RBFOX1: variants seen among roughly 807,000 people sequenced by gnomAD.
RBFOX1 encodes RNA binding fox-1 homolog 1.
In RBFOX1, 8 loss-of-function variants were observed where a neutral mutation model predicts 57.7. The observed-to-expected ratio is 0.14, with a 90% CI of 0.08 to 0.25. The LOEUF is 0.25. RBFOX1 is among the 10% of genes least tolerant of loss of function. The probability of loss-of-function intolerance (pLI) is 1.00; values close to 1 mark genes in which losing one functional copy is unlikely to be tolerated. For missense variants in RBFOX1, 611 were observed against 548.5 expected, an observed-to-expected ratio of 1.11 and a Z score of -1.14; for synonymous variants, 326 against 222.4, an observed-to-expected ratio of 1.47 and a Z score of -4.15.
chr16:6,137,138 G>C (rs142144620), intron 1 of RBFOX1, among the ~76,000 whole-genome samples: 1 of 152,234 alleles, frequency 6.6e-6, no homozygotes, highest in East Asian at 1.9e-4. Flanking sequence ...TTCTAAATCT[G>C]TTAAAGCTTC....
intron 2 of RBFOX1, among the ~76,000 whole-genome samples, chr16:6,542,830 G>T (rs1288939929): frequency 6.6e-6 from 1 of 151,990 alleles, no homozygotes; most frequent in African/African-American, 2.4e-5. Context: ...GCCTTCCTGG[G>T]TGCCACAGTT....
intron 4 of RBFOX1, among the ~76,000 whole-genome samples, chr16:7,393,287 C>T (rs977948012): frequency 1.3e-5 from 2 of 152,128 alleles, no homozygotes; most frequent in Admixed American, 1.3e-4. Context: ...GACCTTAATC[C>T]TTAAGTTTGT....
intron 13 of RBFOX1, among the ~76,000 whole-genome samples, chr16:7,672,942 A>T (rs1375948327): frequency 1.3e-5 from 2 of 150,402 alleles, no homozygotes; most frequent in Non-Finnish European, 3.0e-5. Context: ...TGTTCTTATA[A>T]GTATTATATA....
At chr16:5,269,397 G>C (rs1347039974) in intron 1 of RBFOX1, among the ~76,000 whole-genome samples, 3 of 152,218 alleles carry the variant, frequency 2.0e-5, no homozygotes, top group African/African-American at 7.2e-5. Flanking sequence ...GAAAGCACAG[G>C]TCCACACAAA....
intron 2 of RBFOX1, among the ~76,000 whole-genome samples, chr16:5,527,588 C>T (rs4786038): frequency 0.32 from 48,972 of 152,108 alleles, 9,042 homozygotes; most frequent in East Asian, 0.85. Flanking sequence ...GCTGGTGATG[C>T]GTCTAATTAA....
intron 1 of RBFOX1, among the ~76,000 whole-genome samples, chr16:5,399,408 T>G (rs531314938): frequency 8.0e-4 from 122 of 152,308 alleles, no homozygotes; most frequent in African/African-American, 2.8e-3. Context: ...ATTTTTCTCG[T>G]AGAAAATTTG....
chr16:6,195,281 A>G (rs1455407141), intron 1 of RBFOX1, among the ~76,000 whole-genome samples: 1 of 152,230 alleles, frequency 6.6e-6, no homozygotes, highest in Non-Finnish European at 1.5e-5. Flanking sequence ...CAGTCTTATT[A>G]TAGCATTTGT....
intron 3 of RBFOX1, among the ~76,000 whole-genome samples, chr16:5,822,337 T>C (rs2055885672): frequency 6.6e-6 from 1 of 152,202 alleles, no homozygotes; most frequent in Non-Finnish European, 1.5e-5. Flanking sequence ...CAGTGTTTAC[T>C]GCTTGGGTGG....
chr16:5,491,317 C>T (rs76871911), intron 2 of RBFOX1, among the ~76,000 whole-genome samples: 199 of 152,294 alleles, frequency 1.3e-3, no homozygotes, highest in Non-Finnish European at 8.5e-4. Context: ...GCCACCCTCC[C>T]AAGCGCCACC....
At chr16:7,150,591 C>G (rs950294396) in intron 4 of RBFOX1, among the ~76,000 whole-genome samples, 5 of 152,198 alleles carry the variant, frequency 3.3e-5, no homozygotes, top group South Asian at 2.1e-4. Flanking sequence ...ACGTGGCTCA[C>G]TTTCAGGATA....
At chr16:7,699,626 A>G (rs2079996033) in intron 14 of RBFOX1, among the ~76,000 whole-genome samples, 1 of 152,212 alleles carries the variant, frequency 6.6e-6, no homozygotes, top group Admixed American at 6.5e-5. Context: ...TGCATGCTGG[A>G]TTTCCAAAAC....
At chr16:5,338,322 A>T (rs947779258) in intron 1 of RBFOX1, among the ~76,000 whole-genome samples, 1 of 152,110 alleles carries the variant, frequency 6.6e-6, no homozygotes, top group African/African-American at 2.4e-5. Flanking sequence ...CTCTCCTGGG[A>T]CTTTATAATT....
intron 3 of RBFOX1, among the ~76,000 whole-genome samples, chr16:6,839,051 C>G (rs932344514): frequency 6.6e-6 from 1 of 151,728 alleles, no homozygotes; most frequent in South Asian, 2.1e-4. Flanking sequence ...GTGCTGTGAT[C>G]TTGGCTCCCT....
intron 2 of RBFOX1, among the ~76,000 whole-genome samples, chr16:5,568,939 C>G (rs1341499398): frequency 6.6e-6 from 1 of 151,956 alleles, no homozygotes; most frequent in Admixed American, 6.6e-5. Flanking sequence ...CCGCTGGGTT[C>G]AAGTGATTCT....
At chr16:7,670,559 T>A (rs560330954) in intron 13 of RBFOX1, among the ~76,000 whole-genome samples, 1 of 152,218 alleles carries the variant, frequency 6.6e-6, no homozygotes, top group African/African-American at 2.4e-5. Flanking sequence ...CCACTGAGAA[T>A]AATATTTGTA....
chr16:5,733,577 G>A (rs1242941170), intron 3 of RBFOX1, among the ~76,000 whole-genome samples: 1 of 152,156 alleles, frequency 6.6e-6, no homozygotes, highest in Non-Finnish European at 1.5e-5. Flanking sequence ...TTCCTAGAAA[G>A]TGATCATGAA....
chr16:5,703,704 G>T (rs1037300620), intron 3 of RBFOX1, among the ~76,000 whole-genome samples: 1 of 152,048 alleles, frequency 6.6e-6, no homozygotes, highest in Non-Finnish European at 1.5e-5. Context: ...TGGGGATAAT[G>T]TCTTTATTGC....
chr16:5,873,567 A>G (rs1408808418), intron 4 of RBFOX1, among the ~76,000 whole-genome samples: 1 of 152,236 alleles, frequency 6.6e-6, no homozygotes, highest in Non-Finnish European at 1.5e-5. Flanking sequence ...TGAACGTTTA[A>G]GTGACAGTCT....
intron 3 of RBFOX1, among the ~76,000 whole-genome samples, chr16:5,691,387 C>A (rs2050676321): frequency 6.6e-6 from 1 of 152,054 alleles, no homozygotes; most frequent in South Asian, 2.1e-4. Flanking sequence ...TGCAGCTGGT[C>A]GACCATTTGT....
Sources: allele counts gnomAD v4.1 joint callset (sites outside exome capture counted in the v4.1 genomes callset), GRCh38; gene constraint gnomAD v4.1.1; transcripts MANE v1.5; gene names NCBI Gene and HGNC (gene_info 2026-07-23, HGNC 2026-07-21).